SORD: variants seen among roughly 807,000 people sequenced by gnomAD.
SORD encodes the protein sorbitol dehydrogenase.
Under a neutral mutation model 35.6 loss-of-function variants are expected in SORD, and 18 were observed. The observed-to-expected ratio is 0.51, with a 90% CI of 0.35 to 0.75. The LOEUF (loss-of-function observed/expected upper bound fraction) is 0.75, where lower values mean the gene tolerates loss of function less well. Among genes scored for constraint, SORD ranks in the 30% least tolerant of loss-of-function variants. SORD has a pLI of 0.01. For synonymous variants in SORD, 106 were observed against 152.9 expected, an observed-to-expected ratio of 0.69 and a Z score of 2.26; for missense variants, 250 against 390.2, an observed-to-expected ratio of 0.64 and a Z score of 3.03.
At chr15:45,057,764 C>G (rs906974563) in intron 3 of SORD, among the ~76,000 whole-genome samples, 1 of 151,936 alleles carries the variant, frequency 6.6e-6, no homozygotes, top group African/African-American at 2.4e-5. Context: ...GCCTGGGCAA[C>G]AGAGTGAGAC....
chr15:45,061,829 A>C (rs542995168), intron 4 of SORD, among the ~76,000 whole-genome samples: 22 of 152,166 alleles, frequency 1.4e-4, no homozygotes, highest in South Asian at 4.2e-4. Context: ...AGATGGCGCC[A>C]CTGCACTCCA....
chr15:45,072,766 GGAA>G (rs147800488), intron 8 of SORD, among the ~76,000 whole-genome samples: 7,150 of 132,380 alleles, frequency 0.054, 1,063 homozygotes, highest in African/African-American at 0.22. Context: ...CCCTTTAAAG[GGAA>G]GAAGGAGAGA....
intron 4 of SORD, among the ~76,000 whole-genome samples, chr15:45,062,476 G>C (rs1204380841): frequency 6.6e-6 from 1 of 151,962 alleles, no homozygotes; most frequent in Admixed American, 6.5e-5. Flanking sequence ...GGCCCCAGTG[G>C]TGGTTTTCAG....
intron 4 of SORD, 97 bp downstream of exon 4, chr15:45,061,323 A>G (rs372279140): frequency 2.9e-6 from 4 of 1,362,624 alleles, no homozygotes; most frequent in East Asian, 4.6e-5. Flanking sequence ...TTTTCAGCTC[A>G]TAATTCCAAA....
intron 3 of SORD, among the ~76,000 whole-genome samples, chr15:45,044,752 G>A (rs1412992052): frequency 6.7e-6 from 1 of 148,660 alleles, no homozygotes; most frequent in Non-Finnish European, 1.5e-5. Flanking sequence ...AGGCTGGAGT[G>A]CAGTGGTGCA....
At chr15:45,024,943 A>G (rs1704790) in intron 1 of SORD, among the ~76,000 whole-genome samples, 17 of 152,392 alleles carry the variant, frequency 1.1e-4, no homozygotes, top group African/African-American at 3.1e-4. Context: ...AAAGTCATGC[A>G]CCTAAGGTGC....
rs1893297125 is a variant in SORD, at chr15:45,061,093, G to T, written c.292G>T (p.Ala98Ser). The T allele has an allele frequency of 6.2e-7, 1 of 1,614,166 alleles. No individual in the cohort carries two copies. The highest frequency in any genetic ancestry group is 1.3e-5 in the African/African-American group (1 of 75,056). Residue 98 changes from alanine (A) to serine (S), a missense_variant, in exon 4 of 9, where the codon GCT becomes TCT. Ala to Ser is a moderately conservative substitution (Grantham distance 99). Transcript: ENST00000267814. ...PGDRVAIEPG[A>S]PRENDEFCKM... ...TGATCGTGTTGCCATCGAGCCTGGT[G>T]CTCCCCGAGAAAATGATGAATTCTG...
At position 45,061,130 on chromosome 15, in the gene SORD, G is replaced by A. The variant is rs771622848; in HGVS notation, c.329G>A (p.Arg110Gln). The change falls in exon 4 of 9, where the codon CGA (arginine) becomes CAA (glutamine). Residue 110 changes from arginine (R) to glutamine (Q), a missense_variant. Around this residue, in one of 8 missense-constraint regions of SORD, gnomAD observed 126 missense variants for 148.7 expected, o/e 0.85. Coordinates refer to ENST00000267814, the MANE Select transcript of SORD (RefSeq NM_003104.6). ...RENDEFCKMG[R>Q]YNLSPSIFFC... ...AATGATGAATTCTGCAAGATGGGCC[G>A]ATACAATCTGTCACCTTCCATCTTC... 8 of 1,613,948 alleles carry A rather than the reference G, an allele frequency of 5.0e-6. No individual in the cohort carries two copies. The highest frequency in any genetic ancestry group is 4.5e-5 in the East Asian group (2 of 44,896).
In SORD at chr15:45,033,922, T is replaced by A. The variant is rs535408223; in HGVS notation, c.67-6486T>A. Among the ~76,000 whole-genome samples, 3 of 152,308 alleles carry A rather than the reference T, an allele frequency of 2.0e-5. No homozygotes were observed. In the East Asian group the frequency reaches 5.8e-4, roughly 29 times the overall value. On this transcript the variant is annotated intron_variant, in intron 1 of 8. Coordinates refer to ENST00000267814, the MANE Select transcript of SORD (RefSeq NM_003104.6). ...TCTCCTGATTTCTCGGAAGGTCATA[T>A]AAGAACTTAGTTTTGCTTTGATGAT... is the stretch of plus-strand genomic sequence containing the variant.
Position 45,069,255 on chromosome 15 carries a change from G to A in SORD, c.786+203G>A, listed in dbSNP as rs1893468626. On this transcript the variant is annotated intron_variant, in intron 7 of 8. Coordinates refer to ENST00000267814, the MANE Select transcript of SORD (RefSeq NM_003104.6). ...AGAGTCTCACTCAGTCGCCCAGGCT[G>A]GAGTGCCGTGGCTCGATCTCAGCTA... 2.3e-5 allele frequency among the ~76,000 whole-genome samples: 3 copies of A among 132,228 alleles called. No individual in the cohort carries two copies. The South Asian group carries it at 7.2e-4, about 32-fold the overall frequency. 86.7% of individuals were successfully genotyped at this position (132,228 alleles called of 152,430 possible).
Position 45,023,341 on chromosome 15 carries a change from T to A in SORD, c.58T>A (p.Leu20Met). The change falls in exon 1 of 9, where the codon TTG becomes ATG. Residue 20 changes from leucine to methionine, a missense_variant. Physicochemically the swap from Leu to Met is conservative, Grantham distance 15 (BLOSUM62 2). Around this residue, in one of 8 missense-constraint regions of SORD, gnomAD observed 43 missense variants for 30.6 expected, o/e 1.40. Coordinates refer to ENST00000267814, the MANE Select transcript of SORD (RefSeq NM_003104.6). The stretch of plus-strand genomic sequence containing the variant: ...CCTGGTGGTGCACGGACCGGGGGAC[T>A]TGCGCCTGGTAAGCTGGGAAGGAGG... ...LSLVVHGPGD[L>M]RLENYPIPEP... The A allele has an allele frequency of 1.3e-6, 2 of 1,577,900 alleles. No individual in the cohort carries two copies. Among genetic ancestry groups the A allele is most frequent in the Non-Finnish European group, 1.7e-6 (2 of 1,163,146 alleles).
At chr15:45,030,877 C>T (rs1595494772) in intron 1 of SORD, among the ~76,000 whole-genome samples, 1 of 152,268 alleles carries the variant, frequency 6.6e-6, no homozygotes, top group East Asian at 1.9e-4. Context: ...CAGTAACCAA[C>T]TGCCTGTTGA....
At chr15:45,040,829 C>A (rs1423818791) in intron 2 of SORD, among the ~76,000 whole-genome samples, 1 of 152,208 alleles carries the variant, frequency 6.6e-6, no homozygotes, top group Non-Finnish European at 1.5e-5. Flanking sequence ...CTAACCCAAA[C>A]TTTGAAAAGG....
At chr15:45,036,648 G>A (rs1892872685) in intron 1 of SORD, among the ~76,000 whole-genome samples, 1 of 152,206 alleles carries the variant, frequency 6.6e-6, no homozygotes, top group Non-Finnish European at 1.5e-5. Context: ...GCTGCAGTGA[G>A]CCGAGATCGT....
At position 45,065,372 on chromosome 15, in the gene SORD, T is replaced by C. The variant is rs1183099717; in HGVS notation, c.527T>C (p.Val176Ala). Reference sequence around the variant, plus strand: ...GGCGGAGTTACCCTGGGACACAAGGTCCTTGTGTGTGGAGCTGGTAAGAAA... The same window carrying C: ...GGCGGAGTTACCCTGGGACACAAGGCCCTTGTGTGTGGAGCTGGTAAGAAA... ...RRGGVTLGHK[V>A]LVCGAGPIGM... is the part of the protein sequence containing the mutation. Residue 176 changes from valine (V) to alanine (A), a missense_variant, in exon 5 of 9, where the codon GTC becomes GCC. Physicochemically the swap from Val to Ala is moderately conservative, Grantham distance 64. Coordinates refer to ENST00000267814, the MANE Select transcript of SORD (RefSeq NM_003104.6). The C allele has an allele frequency of 6.2e-7, 1 of 1,608,674 alleles. No homozygotes were observed. Among genetic ancestry groups the C allele is most frequent in the Non-Finnish European group, 8.5e-7 (1 of 1,178,438 alleles).
intron 1 of SORD, among the ~76,000 whole-genome samples, chr15:45,028,575 ATGAGGAGACAATAAAT>A (rs1217674139): frequency 6.6e-6 from 1 of 152,228 alleles, no homozygotes; most frequent in Non-Finnish European, 1.5e-5. Flanking sequence ...GATCAGCTAT[ATGAGGAGACAATAAAT>A]TAAAGGGAAA....
At chr15:45,058,242 G>A (rs1854363238) in intron 3 of SORD, among the ~76,000 whole-genome samples, 1 of 152,154 alleles carries the variant, frequency 6.6e-6, no homozygotes, top group South Asian at 2.1e-4. Flanking sequence ...CTGAGGTGTA[G>A]CCTCAACCAG....
At chr15:45,035,659 C>T (rs550540278) in intron 1 of SORD, among the ~76,000 whole-genome samples, 189 of 152,294 alleles carry the variant, frequency 1.2e-3, no homozygotes, top group African/African-American at 4.4e-3. Context: ...AAGCTTTGTT[C>T]TTTCGCTCTT....
At chr15:45,065,691 C>G (rs998994959) in intron 5 of SORD, among the ~76,000 whole-genome samples, 4 of 152,134 alleles carry the variant, frequency 2.6e-5, no homozygotes, top group Non-Finnish European at 5.9e-5. Flanking sequence ...AAACCAAAGC[C>G]GGTGGATCAC....
Sources: gnomAD v4.1 joint callset for allele counts (sites outside exome capture counted in the v4.1 genomes callset) on GRCh38, gnomAD v4.1.1 for gene constraint, gnomAD v4.1.1 regional missense constraint, MANE v1.5 for transcripts, NCBI Gene and HGNC (gene_info 2026-07-23, HGNC 2026-07-21) for gene names.